The following NAV3 variants were observed in gnomAD, a reference collection of about 807,000 sequenced individuals.
NAV3 encodes neuron navigator 3.
A neutral mutation model predicts 244.7 loss-of-function variants in NAV3; 87 were observed. The observed-to-expected ratio is 0.36, with a 90% CI of 0.30 to 0.42. NAV3 has a LOEUF of 0.42. Ranked by LOEUF, NAV3 falls within the 20% of genes least tolerant of loss-of-function variation. The probability of loss-of-function intolerance (pLI) is 1.00; values close to 1 mark genes in which losing one functional copy is unlikely to be tolerated. For synonymous variants in NAV3, 1,126 were observed against 1,042.2 expected, an observed-to-expected ratio of 1.08 and a Z score of -1.55; for missense variants, 2,663 against 2,893.3, an observed-to-expected ratio of 0.92 and a Z score of 1.83.
intron 17 of NAV3, among the ~76,000 whole-genome samples, chr12:78,127,803 G>T (rs1474042763): frequency 6.6e-6 from 1 of 152,050 alleles, no homozygotes; most frequent in Non-Finnish European, 1.5e-5. Flanking sequence ...TTTCTATTTT[G>T]CAGGGGTACT....
intron 2 of NAV3, among the ~76,000 whole-genome samples, chr12:77,670,702 A>G (rs138793765): frequency 8.5e-5 from 13 of 152,324 alleles, no homozygotes; most frequent in Admixed American, 5.2e-4. Context: ...GATCTTCTCA[A>G]TAGATGCAGA....
At chr12:77,865,818 C>T (rs1023500909) in intron 1 of NAV3, among the ~76,000 whole-genome samples, 10 of 134,114 alleles carry the variant, frequency 7.5e-5, no homozygotes, top group African/African-American at 2.2e-4. Context: ...TGTGTGTGGT[C>T]GTTCTAATTT....
chr12:78,050,696 C>T (rs532219734), intron 10 of NAV3, 68 bp from the exon 11 acceptor site: 3 of 1,491,802 alleles, frequency 2.0e-6, no homozygotes, highest in Admixed American at 4.3e-5. Context: ...CCTTTTCTGT[C>T]TTCATGCATT....
chr12:78,105,510 T>C (rs1954756142), intron 12 of NAV3, among the ~76,000 whole-genome samples: 2 of 152,084 alleles, frequency 1.3e-5, no homozygotes, highest in African/African-American at 4.8e-5. Flanking sequence ...TGAAGCTCAG[T>C]TTCGTTATAT....
chr12:77,596,661 A>G (rs1463802730), intron 2 of NAV3, among the ~76,000 whole-genome samples: 1 of 152,182 alleles, frequency 6.6e-6, no homozygotes, highest in Non-Finnish European at 1.5e-5. Context: ...TCAAAGAACA[A>G]GAGAGAAAAA....
intron 1 of NAV3, among the ~76,000 whole-genome samples, chr12:77,892,219 A>G (rs1029718902): frequency 3.9e-5 from 6 of 152,202 alleles, no homozygotes; most frequent in Admixed American, 3.9e-4. Context: ...TTTATTGTGC[A>G]ATAAAGATGT....
At chr12:78,079,347 A>G (rs1359813564) in intron 12 of NAV3, among the ~76,000 whole-genome samples, 1 of 152,144 alleles carries the variant, frequency 6.6e-6, no homozygotes, top group Non-Finnish European at 1.5e-5. Flanking sequence ...TTTGAAAGAA[A>G]TTTGCTTTAA....
chr12:78,060,272 C>A (rs1257854576), intron 12 of NAV3, among the ~76,000 whole-genome samples: 2 of 152,208 alleles, frequency 1.3e-5, no homozygotes, highest in Middle Eastern at 3.4e-3. Context: ...GAACTGTATA[C>A]AATTCATTGT....
intron 12 of NAV3, among the ~76,000 whole-genome samples, chr12:78,096,441 C>T (rs150420914): frequency 3.4e-4 from 52 of 152,236 alleles, no homozygotes; most frequent in Admixed American, 1.7e-3. Context: ...TTAGTCTGTT[C>T]TCAGGCTGCT....
chr12:77,980,471 C>CTTA (rs1869370865), intron 5 of NAV3, among the ~76,000 whole-genome samples: 1 of 152,124 alleles, frequency 6.6e-6, no homozygotes. Flanking sequence ...AATAATTTAA[C>CTTA]ATATTTTATG....
intron 1 of NAV3, among the ~76,000 whole-genome samples, chr12:77,859,032 G>A (rs891220455): frequency 6.6e-6 from 1 of 151,980 alleles, no homozygotes; most frequent in Non-Finnish European, 1.5e-5. Flanking sequence ...TACTTTCACT[G>A]CAGTTATAAA....
rs1236994619 is a variant in NAV3 at position 78,168,194 on chromosome 12, T to TGTAAATTC, written c.4870-561_4870-560insGTAAATTC. The stretch of plus-strand genomic sequence containing the variant: ...AAAAAGTATCAGAATGTAACATGAC[T>TGTAAATTC]TTGATATGGCATCAGAATTTAATAA... On this transcript the variant is annotated intron_variant, in intron 23 of 39. Coordinates refer to ENST00000397909, the MANE Select transcript of NAV3 (RefSeq NM_001024383.2). Among the ~76,000 whole-genome samples, 4 of 151,726 alleles carry TGTAAATTC rather than the reference T, an allele frequency of 2.6e-5. No homozygotes were observed. In the East Asian group the frequency reaches 7.7e-4, roughly 29 times the overall value.
At chr12:78,191,852 T>C (rs1206528736) in intron 34 of NAV3, among the ~76,000 whole-genome samples, 4 of 152,174 alleles carry the variant, frequency 2.6e-5, no homozygotes, top group Non-Finnish European at 4.4e-5. Context: ...TTTTCCTCAA[T>C]GTTGGTATGA....
chr12:77,873,708 T>TATATAC (rs1881366226), intron 1 of NAV3, among the ~76,000 whole-genome samples: 3 of 123,530 alleles, frequency 2.4e-5, no homozygotes, highest in South Asian at 2.7e-4. Flanking sequence ...TATATATATA[T>TATATAC]ACATGATTTG....
chr12:78,165,167 G>A (rs1198077133), intron 23 of NAV3, among the ~76,000 whole-genome samples: 2 of 152,116 alleles, frequency 1.3e-5, no homozygotes, highest in East Asian at 3.9e-4. Context: ...GGTGTTGGGG[G>A]CATCATTATC....
chr12:78,140,930 C>T (rs571755013), intron 20 of NAV3, among the ~76,000 whole-genome samples: 1 of 151,510 alleles, frequency 6.6e-6, no homozygotes, highest in Admixed American at 6.6e-5. Context: ...CTTGCTTTGT[C>T]ACCCAGGCTG....
At position 78,126,612 on chromosome 12, in the gene NAV3, A is replaced by G. The variant is rs578225188; in HGVS notation, c.4239-555A>G. On this transcript the variant is annotated intron_variant, in intron 16 of 39. Coordinates refer to ENST00000397909, the MANE Select transcript of NAV3 (RefSeq NM_001024383.2). ...GATGGTATAGCTTAATTTCATTAAA[A>G]TATTCAAATAAATGATACTAGAATC... Among the ~76,000 whole-genome samples, 11 of 152,324 alleles carry G rather than the reference A, an allele frequency of 7.2e-5. 1 individual carries two copies. In the South Asian group the frequency reaches 1.2e-3, roughly 17 times the overall value.
chr12:78,085,704 A>G (rs1440414045), intron 12 of NAV3, among the ~76,000 whole-genome samples: 2 of 152,216 alleles, frequency 1.3e-5, no homozygotes, highest in African/African-American at 4.8e-5. Flanking sequence ...GCAGTTTGAA[A>G]TGGAAAACTG....
rs956772940 is a variant in NAV3, at chr12:77,859,836, A to G, written c.243+28132A>G. Among the ~76,000 whole-genome samples the G allele has an allele frequency of 1.8e-4, 27 of 150,082 alleles. 1 individual carries two copies. Among genetic ancestry groups the G allele is most frequent in the African/African-American group, 6.6e-4 (27 of 41,186 alleles). On this transcript the variant is annotated intron_variant, in intron 1 of 39. Coordinates refer to ENST00000397909, the MANE Select transcript of NAV3 (RefSeq NM_001024383.2). ...TTCTAATTTTCAAGAAATTATTTAAAATGATAATTTTGCCCTGAATTTGAA... is the reference window on the plus strand; with the variant it reads ...TTCTAATTTTCAAGAAATTATTTAAGATGATAATTTTGCCCTGAATTTGAA...
Sources: gnomAD v4.1 joint callset for allele counts (sites outside exome capture counted in the v4.1 genomes callset) on GRCh38, gnomAD v4.1.1 for gene constraint, MANE v1.5 for transcripts, NCBI Gene and HGNC (gene_info 2026-07-23, HGNC 2026-07-21) for gene names.